The following PRKCB variants were observed in gnomAD, a reference collection of about 807,000 sequenced individuals.
The protein encoded by PRKCB is protein kinase C beta type.
In PRKCB, 13 loss-of-function variants were observed where a neutral mutation model predicts 81.5. That is an observed-to-expected ratio of 0.16 (90% CI 0.10 to 0.25). The LOEUF (loss-of-function observed/expected upper bound fraction) is 0.25, where lower values mean the gene tolerates loss of function less well. PRKCB is among the 10% of genes least tolerant of loss of function. The probability of loss-of-function intolerance (pLI) is 1.00; values close to 1 mark genes in which losing one functional copy is unlikely to be tolerated. For missense variants in PRKCB, 509 were observed against 875.7 expected, an observed-to-expected ratio of 0.58 and a Z score of 5.29; for synonymous variants, 335 against 321.4, an observed-to-expected ratio of 1.04 and a Z score of -0.45.
At chr16:24,167,076 A>G (rs1967358539) in intron 10 of PRKCB, among the ~76,000 whole-genome samples, 7 of 152,000 alleles carry the variant, frequency 4.6e-5, no homozygotes, top group Admixed American at 4.6e-4. Context: ...TAATTTTTAA[A>G]ACAAGTGTTT....
At chr16:23,946,990 G>GGATTAC (rs1964211383) in intron 2 of PRKCB, among the ~76,000 whole-genome samples, 1 of 152,054 alleles carries the variant, frequency 6.6e-6, no homozygotes, top group Non-Finnish European at 1.5e-5. Context: ...CAAGTAGCTG[G>GGATTAC]GATTACAGGC....
At chr16:23,990,442 AG>A (rs1567336658) in intron 3 of PRKCB, among the ~76,000 whole-genome samples, 1 of 149,820 alleles carries the variant, frequency 6.7e-6, no homozygotes, top group East Asian at 2.0e-4. Context: ...TGGGCGACAG[AG>A]TGAGACTCTG....
At chr16:24,020,165 A>G (rs1372147656) in intron 3 of PRKCB, among the ~76,000 whole-genome samples, 3 of 152,242 alleles carry the variant, frequency 2.0e-5, no homozygotes, top group Non-Finnish European at 4.4e-5. Flanking sequence ...GTCGGGATGA[A>G]CATTTAAAAT....
At chr16:24,055,636 C>G (rs1296667450) in intron 5 of PRKCB, among the ~76,000 whole-genome samples, 1 of 152,208 alleles carries the variant, frequency 6.6e-6, no homozygotes, top group Non-Finnish European at 1.5e-5. Flanking sequence ...TGGAGAAATC[C>G]CGACCTAAGC....
intron 9 of PRKCB, among the ~76,000 whole-genome samples, chr16:24,153,403 C>T (rs373634): frequency 0.19 from 28,329 of 152,124 alleles, 2,854 homozygotes; most frequent in South Asian, 0.3. Flanking sequence ...TAGAAAAGTG[C>T]TCAAAAATGT....
intron 2 of PRKCB, among the ~76,000 whole-genome samples, chr16:23,948,660 G>C (rs753424948): frequency 5.9e-5 from 9 of 152,180 alleles, no homozygotes; most frequent in Non-Finnish European, 1.3e-4. Flanking sequence ...ACCTGCCTTG[G>C]CCTCCCAAAG....
chr16:23,997,959 G>C (rs1964981789), intron 3 of PRKCB, among the ~76,000 whole-genome samples: 1 of 152,188 alleles, frequency 6.6e-6, no homozygotes, highest in African/African-American at 2.4e-5. Context: ...TACCCAGATA[G>C]CTGGTAATAC....
intron 9 of PRKCB, among the ~76,000 whole-genome samples, chr16:24,145,891 GTATGT>G (rs1966981882): frequency 6.6e-6 from 1 of 152,234 alleles, no homozygotes; most frequent in South Asian, 2.1e-4. Flanking sequence ...CGTAAACAAT[GTATGT>G]TCAATTTCTA....
rs532397504 is a variant in PRKCB at position 24,006,085 on chromosome 16, C to T, written c.288+17495C>T. The stretch of plus-strand genomic sequence containing the variant: ...CCTTCCTCCCTTCCTCCCTTCTTCC[C>T]TCTCTCACTTATCTATTATCTCCCT... On this transcript the variant is annotated intron_variant, in intron 3 of 16. Coordinates refer to ENST00000643927, the MANE Select transcript of PRKCB (RefSeq NM_002738.7). 2.6e-5 allele frequency among the ~76,000 whole-genome samples: 4 copies of T among 152,284 alleles called. No homozygotes were observed. In the South Asian group the frequency reaches 6.2e-4, roughly 24 times the overall value.
chr16:24,110,510 CTTTT>C (rs1211090636), intron 7 of PRKCB, among the ~76,000 whole-genome samples: 1 of 111,172 alleles, frequency 9.0e-6, no homozygotes, highest in Non-Finnish European at 1.7e-5. Context: ...CATGCCCAAC[CTTTT>C]TTTTTTTTTT....
At chr16:23,980,892 G>T (rs564425506) in intron 2 of PRKCB, among the ~76,000 whole-genome samples, 70 of 152,006 alleles carry the variant, frequency 4.6e-4, no homozygotes, top group Non-Finnish European at 8.5e-4. Context: ...TGGGAGTTAG[G>T]GGTGAAGTGC....
intron 2 of PRKCB, among the ~76,000 whole-genome samples, chr16:23,913,702 AG>A (rs758627597): frequency 5.9e-5 from 9 of 152,228 alleles, no homozygotes; most frequent in Non-Finnish European, 1.5e-5. Flanking sequence ...TGGGGAAGGA[AG>A]CTCTTCTGAC....
intron 2 of PRKCB, among the ~76,000 whole-genome samples, chr16:23,946,802 G>A (rs1237735418): frequency 2.0e-5 from 3 of 152,048 alleles, no homozygotes; most frequent in East Asian, 1.9e-4. Flanking sequence ...CTGCCAGATG[G>A]TGCTGATTCT....
chr16:24,049,321 A>T (rs62027364), intron 5 of PRKCB, among the ~76,000 whole-genome samples: 2,114 of 49,944 alleles, frequency 0.042, 57 homozygotes, highest in Middle Eastern at 0.068. Context: ...CTGCACCCTT[A>T]ACCACTACCC....
chr16:24,033,109 G>A (rs777508853), intron 4 of PRKCB, among the ~76,000 whole-genome samples: 7 of 152,178 alleles, frequency 4.6e-5, no homozygotes, highest in Non-Finnish European at 7.3e-5. Flanking sequence ...CAGGCTTTGA[G>A]AGCTATGGCC....
chr16:24,162,664 G>C (rs1967277479), intron 10 of PRKCB, among the ~76,000 whole-genome samples: 1 of 151,730 alleles, frequency 6.6e-6, no homozygotes, highest in African/African-American at 2.4e-5. Context: ...ATGTTGCTCA[G>C]GCTGCTCTCA....
chr16:24,163,437 G>T (rs1967295850), intron 10 of PRKCB, among the ~76,000 whole-genome samples: 1 of 152,156 alleles, frequency 6.6e-6, no homozygotes, highest in South Asian at 2.1e-4. Flanking sequence ...AATAGAGCTG[G>T]GGCAGGTGGG....
intron 5 of PRKCB, among the ~76,000 whole-genome samples, chr16:24,062,277 T>C (rs755883899): frequency 2.0e-5 from 3 of 152,204 alleles, no homozygotes; most frequent in Non-Finnish European, 4.4e-5. Flanking sequence ...GTTGGCTCAG[T>C]GTCAGCTGGA....
chr16:23,930,818 T>C (rs556715604), intron 2 of PRKCB, among the ~76,000 whole-genome samples: 2 of 151,416 alleles, frequency 1.3e-5, no homozygotes, highest in South Asian at 4.2e-4. Flanking sequence ...TTATTATCGT[T>C]ACTGTTGGGT....
Sources: allele counts gnomAD v4.1 joint callset (sites outside exome capture counted in the v4.1 genomes callset), GRCh38; gene constraint gnomAD v4.1.1; transcripts MANE v1.5; gene names NCBI Gene and HGNC (gene_info 2026-07-23, HGNC 2026-07-21).